Variants in PCDHGB1 observed in about 807,000 individuals in gnomAD.
PCDHGB1 encodes the protein protocadherin gamma subfamily B, 1.
PCDHGB1 carries 34 observed loss-of-function variants against 56.6 expected under a neutral mutation model. That is an observed-to-expected ratio of 0.60 (90% CI 0.46 to 0.80). The LOEUF (loss-of-function observed/expected upper bound fraction) is 0.80, where lower values mean the gene tolerates loss of function less well. PCDHGB1 is among the 30% of genes least tolerant of loss of function. The pLI is 0.00. For synonymous variants in PCDHGB1, 561 were observed against 505.9 expected (o/e 1.11, Z -1.46); for missense variants, 1,278 against 1,204.6 (o/e 1.06, Z -0.90).
chr5:141,451,165 A>G (rs2098709571), intron 1 of PCDHGB1, among the ~76,000 whole-genome samples: 1 of 152,116 alleles, frequency 6.6e-6, no homozygotes, highest in Admixed American at 6.6e-5. Context: ...TTTTGGTAGT[A>G]TATTATTTAG....
chr5:141,388,971 C>T (rs2091561776), intron 1 of PCDHGB1: 2 of 1,613,890 alleles, frequency 1.2e-6, no homozygotes, highest in South Asian at 2.2e-5. Flanking sequence ...GCTGGGAACA[C>T]ATATTGCTTT....
At chr5:141,420,748 C>G (rs2096523185) in intron 1 of PCDHGB1, among the ~76,000 whole-genome samples, 1 of 152,214 alleles carries the variant, frequency 6.6e-6, no homozygotes, top group Non-Finnish European at 1.5e-5. Context: ...TTGGAACCAA[C>G]TACAACCTAC....
chr5:141,458,873 C>T (rs1278498446), intron 1 of PCDHGB1, among the ~76,000 whole-genome samples: 2 of 152,148 alleles, frequency 1.3e-5, no homozygotes, highest in African/African-American at 4.8e-5. Context: ...GCTGGGACTA[C>T]AGGCATGCAC....
chr5:141,494,843 G>T lies in PCDHGB1; in HGVS notation c.2446G>T (p.Ala816Ser). The T allele has an allele frequency of 6.2e-7, 1 of 1,614,088 alleles. No individual in the cohort carries two copies. The highest frequency in any genetic ancestry group is 8.5e-7 in the Non-Finnish European group (1 of 1,180,006). ...PPNTDWRFSQ[A>S]QRPGTSGSQN... Reference sequence around the variant, plus strand: ...CAACACGGACTGGCGTTTCTCTCAGGCCCAGAGACCCGGCACCAGCGGGTA... The same window carrying T: ...CAACACGGACTGGCGTTTCTCTCAGTCCCAGAGACCCGGCACCAGCGGGTA... Residue 816 changes from alanine (A) to serine (S), a missense_variant, in exon 2 of 4, where the codon GCC becomes TCC. Transcript: ENST00000523390.
intron 1 of PCDHGB1, chr5:141,478,453 C>T: frequency 6.2e-7 from 1 of 1,613,594 alleles, no homozygotes; most frequent in Non-Finnish European, 8.5e-7. Context: ...CTGGTGCAGC[C>T]AGTCCACTGG....
chr5:141,407,591 C>T (rs878883569), intron 1 of PCDHGB1, among the ~76,000 whole-genome samples: 1 of 151,680 alleles, frequency 6.6e-6, no homozygotes, highest in Non-Finnish European at 1.5e-5. Flanking sequence ...CTTAATGTCT[C>T]ATCTTAAAAA....
Position 141,491,574 on chromosome 5 carries a change from T to G in PCDHGB1, c.2410-3233T>G. Reference sequence around the variant, plus strand: ...AGAGCCACTGCTACAGGACGTGCTTTTCACCGGCCTCGGACGGCAGTGACT... The same window carrying G: ...AGAGCCACTGCTACAGGACGTGCTTGTCACCGGCCTCGGACGGCAGTGACT... On this transcript the variant is annotated intron_variant, in intron 1 of 3. Transcript: ENST00000523390. This position sits in a 1 kb window ranked among gnomAD's most constrained non-coding sequence, Gnocchi z 6.9. The G allele has an allele frequency of 6.2e-7, 1 of 1,613,956 alleles. No homozygotes were observed. Among genetic ancestry groups the G allele is most frequent in the Non-Finnish European group, 8.5e-7 (1 of 1,180,032 alleles).
At chr5:141,467,628 C>G (rs181245841) in intron 1 of PCDHGB1, among the ~76,000 whole-genome samples, 49 of 152,224 alleles carry the variant, frequency 3.2e-4, no homozygotes, top group African/African-American at 1.1e-3. Context: ...TTTGAGATAG[C>G]ATCTTTATCA....
intron 1 of PCDHGB1, chr5:141,400,310 G>C: frequency 6.2e-7 from 1 of 1,614,084 alleles, no homozygotes; most frequent in African/African-American, 1.3e-5. Context: ...CCTGGTCTCT[G>C]TGTCAAGTCT....
chr5:141,404,840 C>G lies in PCDHGB1; in HGVS notation c.2409+52171C>G, dbSNP rs377389968. ...GCACACAGGTGAAGTGCGCACAGCT[C>G]GGGCCCTGCTAGATAGAGATGCGCT... is the stretch of plus-strand genomic sequence containing the variant. On this transcript the variant is annotated intron_variant, in intron 1 of 3. Transcript: ENST00000523390. 4 of 1,613,698 alleles carry G rather than the reference C, an allele frequency of 2.5e-6. No individual in the cohort carries two copies. In the Admixed American group the frequency reaches 5.0e-5, roughly 20 times the overall value.
At chr5:141,389,860 A>G (rs1274502656) in intron 1 of PCDHGB1, 2 of 1,614,052 alleles carry the variant, frequency 1.2e-6, no homozygotes, top group African/African-American at 2.7e-5. Flanking sequence ...GCCACGTTGC[A>G]CCTGGTCTTC....
intron 1 of PCDHGB1, chr5:141,373,929 A>G: frequency 1.5e-6 from 1 of 673,706 alleles, no homozygotes; most frequent in Non-Finnish European, 2.3e-6. Context: ...TTAGACGGGA[A>G]AGCAGGAAAG....
chr5:141,374,589 G>C, intron 1 of PCDHGB1: 3 of 1,613,676 alleles, frequency 1.9e-6, no homozygotes, highest in Non-Finnish European at 1.7e-6. Context: ...TCCCTTCAGG[G>C]ATTTAAGCTC....
chr5:141,382,978 T>C, intron 1 of PCDHGB1: 1 of 1,610,702 alleles, frequency 6.2e-7, no homozygotes, highest in Non-Finnish European at 8.5e-7. Context: ...CTGGGAAGCC[T>C]GGGCAGGACG....
chr5:141,483,779 A>G (rs1259583177), intron 1 of PCDHGB1, among the ~76,000 whole-genome samples: 2 of 152,146 alleles, frequency 1.3e-5, no homozygotes, highest in Non-Finnish European at 2.9e-5. Context: ...TTGGGGAAGG[A>G]TAAGAACTCC....
rs1224943883 is a variant in PCDHGB1 at position 141,493,516 on chromosome 5, G to A, written c.2410-1291G>A. Among the ~76,000 whole-genome samples, 1 of 152,122 alleles carries A rather than the reference G, an allele frequency of 6.6e-6. No individual in the cohort carries two copies. The highest frequency in any genetic ancestry group is 1.5e-5 in the Non-Finnish European group (1 of 68,036). On this transcript the variant is annotated intron_variant, in intron 1 of 3. Coordinates refer to ENST00000523390, the MANE Select transcript of PCDHGB1 (RefSeq NM_018922.3). The surrounding 1 kb of genome is among the most constrained non-coding windows in gnomAD (Gnocchi z 4.3). ...GGCTCCTCATTTCTGAGCAGTCCCC[G>A]CAGCGCAAACTTGGCCAGTTATCCT...
In PCDHGB1 at chr5:141,384,445, G is replaced by A. The variant is rs182497799; in HGVS notation, c.2409+31776G>A. 5.0e-6 allele frequency: 8 copies of A among 1,613,990 alleles called. 1 individual carries two copies. The African/African-American group carries it at 5.3e-5, about 11-fold the overall frequency. ...AAACTCTGACACTGGAGTCCTGTAC[G>A]CGCTGCAATCCTTTGATTATGAGCA... On this transcript the variant is annotated intron_variant, in intron 1 of 3. Transcript: ENST00000523390.
intron 1 of PCDHGB1, among the ~76,000 whole-genome samples, chr5:141,425,820 C>T (rs978139996): frequency 6.6e-6 from 1 of 152,156 alleles, no homozygotes; most frequent in Admixed American, 6.5e-5. Flanking sequence ...TAGAAAAAAA[C>T]AAACTTTTAA....
At chr5:141,357,165 G>C (rs368780365) in intron 1 of PCDHGB1, 1 of 1,613,556 alleles carries the variant, frequency 6.2e-7, no homozygotes, top group Non-Finnish European at 8.5e-7. Flanking sequence ...CCCCTCTCTC[G>C]GCCACCGTCA....
Sources: allele counts gnomAD v4.1 joint callset (sites outside exome capture counted in the v4.1 genomes callset), GRCh38; gene constraint gnomAD v4.1.1; non-coding constraint Gnocchi (gnomAD v3.1); transcripts MANE v1.5; gene names NCBI Gene and HGNC (gene_info 2026-07-23, HGNC 2026-07-21).